The following QRICH2 variants were observed in gnomAD, a reference collection of about 807,000 sequenced individuals.
QRICH2 encodes glutamine-rich protein 2.
A neutral mutation model predicts 168.3 loss-of-function variants in QRICH2; 119 were observed. The ratio of observed to expected loss-of-function variants is 0.71; its 90% CI spans 0.61 to 0.82. The LOEUF is 0.82. Among genes scored for constraint, QRICH2 ranks in the 40% least tolerant of loss-of-function variants. The pLI is 0.00. For missense variants in QRICH2, 2,241 were observed against 2,491.6 expected, an observed-to-expected ratio of 0.90 and a Z score of 2.14; for synonymous variants, 894 against 951.2, an observed-to-expected ratio of 0.94 and a Z score of 1.11.
chr17:76,275,756 G>C, intron 18 of QRICH2, 63 bp downstream of exon 18: 1 of 1,574,510 alleles, frequency 6.4e-7, no homozygotes, highest in East Asian at 2.2e-5. Context: ...ACATGAGCAG[G>C]AAAGGGGGCC....
chr17:76,280,281 C>T lies in QRICH2; in HGVS notation c.4626+6G>A. ...GATGGAGAGCCCCGCCATGCCCCTG[C>T]CTCACCTTGTTGTCCATCTCTGTGA... On this transcript the variant is annotated splice_donor_region_variant and intron_variant, in intron 11 of 18. Coordinates refer to ENST00000680821, the MANE Select transcript of QRICH2 (RefSeq NM_001388453.1). The surrounding 1 kb of genome is among the most constrained non-coding windows in gnomAD (Gnocchi z 7.4). 3 of 1,613,876 alleles carry T rather than the reference C, an allele frequency of 1.9e-6. No homozygotes were observed. Among genetic ancestry groups the T allele is most frequent in the Non-Finnish European group, 2.5e-6 (3 of 1,179,886 alleles).
In QRICH2 at chr17:76,293,460, G is replaced by A; in HGVS notation, c.1267C>T (p.Pro423Ser). The change falls in exon 4 of 19, where the codon CCA (proline) becomes TCA (serine). Residue 423 changes from proline (P) to serine (S), a missense_variant. Physicochemically the swap from Pro to Ser is moderately conservative, Grantham distance 74. Around this residue, in one of 3 missense-constraint regions of QRICH2, gnomAD observed 2,047 missense variants for 2,303.8 expected, o/e 0.89. Transcript: ENST00000680821. ...TCCCGATCATCCATTTCAGGTGGTG[G>A]CACACCAAGCTGACCCATGCTGAGG... ...VPLSMGQLGV[P>S]PPEMDDRELI... is the part of the protein sequence containing the mutation. The A allele has an allele frequency of 1.2e-6, 2 of 1,614,186 alleles. No homozygotes were observed. The highest frequency in any genetic ancestry group is 1.7e-6 in the Non-Finnish European group (2 of 1,180,032).
In QRICH2 at chr17:76,295,073, C is replaced by CAAATAAAT. The variant is rs201787948; in HGVS notation, c.706-1060_706-1053dup. 6.7e-3 allele frequency among the ~76,000 whole-genome samples: 962 copies of CAAATAAAT among 143,294 alleles called. 14 individuals are homozygous for CAAATAAAT. Among genetic ancestry groups the CAAATAAAT allele is most frequent in the African/African-American group, 0.023 (914 of 39,032 alleles). The allele number at this position is 143,294 out of a possible 152,430, so 94.0% of individuals were successfully genotyped here. On this transcript the variant is annotated intron_variant, in intron 3 of 18. Coordinates refer to ENST00000680821, the MANE Select transcript of QRICH2 (RefSeq NM_001388453.1). ...GATGAAACCCCGTCTCTACTAAAAACAAATAAATAAATAAATAAATAAATA... is the reference window on the plus strand; with the variant it reads ...GATGAAACCCCGTCTCTACTAAAAACAAATAAATAAATAAATAAATAAATAAATAAATA...
chr17:76,279,292 G>A, intron 13 of QRICH2, 71 bp downstream of exon 13: 1 of 1,409,428 alleles, frequency 7.1e-7, no homozygotes, highest in Non-Finnish European at 9.9e-7. Flanking sequence ...GAGAGGACAG[G>A]TGGACACAGG....
chr17:76,303,310 G>T (rs1020857433), intron 3 of QRICH2, among the ~76,000 whole-genome samples: 1 of 152,096 alleles, frequency 6.6e-6, no homozygotes, highest in Non-Finnish European at 1.5e-5. Flanking sequence ...TGGCCACTTG[G>T]TGGCGCCAAA....
At chr17:76,286,637 T>TA (rs1259647685) in intron 7 of QRICH2, among the ~76,000 whole-genome samples, 6 of 152,136 alleles carry the variant, frequency 3.9e-5, no homozygotes, top group African/African-American at 1.4e-4. Flanking sequence ...AATTCATTGA[T>TA]ATATGATTAT....
Position 76,293,117 on chromosome 17 carries a change from G to A in QRICH2, c.1610C>T (p.Ser537Leu). The change falls in exon 4 of 19, where the codon TCA becomes TTA. Residue 537 changes from serine (S) to leucine (L), a missense_variant. Physicochemically the swap from Ser to Leu is moderately radical, Grantham distance 145. This residue lies in a region of QRICH2 where 2,047 missense variants were observed against 2,303.8 expected (regional missense o/e 0.89). Transcript: ENST00000680821. ...TGCACTAATTGGCATCAAACCAGGT[G>A]ATACCAAACCATGCTGGTCTGTAAA... ...LPFTDQHGLV[S>L]PGLMPISADQ... 1.2e-6 allele frequency: 2 copies of A among 1,614,206 alleles called. No homozygotes were observed. The highest frequency in any genetic ancestry group is 8.5e-7 in the Non-Finnish European group (1 of 1,180,042).
Position 76,307,951 on chromosome 17 carries a change from G to GGA in QRICH2, c.46_47dup (p.Ile17ProfsTer88). 8.1e-7 allele frequency: 1 copy of GGA among 1,234,940 alleles called. No individual in the cohort carries two copies. Among genetic ancestry groups the GGA allele is most frequent in the Non-Finnish European group, 1.0e-6 (1 of 989,430 alleles). The allele number at this position is 1,234,940 out of a possible 1,614,324, so 76.5% of individuals were successfully genotyped here. On this transcript the variant is annotated frameshift_variant, in exon 1 of 19. Transcript: ENST00000680821. LOFTEE classifies it high-confidence loss of function. The surrounding 1 kb of genome is among the most constrained non-coding windows in gnomAD (Gnocchi z 5.3). ...CGGCGCCCACCTCTGGCGTGCCGAT[G>GGA]GAGAGGTCCGCCAGCTCCCGGAGGG...
At position 76,276,773 on chromosome 17, in the gene QRICH2, G is replaced by A. The variant is rs777644622; in HGVS notation, c.5266-6C>T. On this transcript the variant is annotated splice_region_variant and splice_polypyrimidine_tract_variant and intron_variant, in intron 16 of 18. Coordinates refer to ENST00000680821, the MANE Select transcript of QRICH2 (RefSeq NM_001388453.1). ...AAGATGTCCACCTCATCATGCTGTA[G>A]AAGTGAACAGATACCGTCGCCACTG... is the stretch of plus-strand genomic sequence containing the variant. 1 of 1,607,206 alleles carries A rather than the reference G, an allele frequency of 6.2e-7. No homozygotes were observed. The highest frequency in any genetic ancestry group is 1.1e-5 in the South Asian group (1 of 90,972).
intron 3 of QRICH2, among the ~76,000 whole-genome samples, chr17:76,303,872 CA>C (rs67296304): frequency 1.0e-3 from 74 of 71,674 alleles, no homozygotes; most frequent in Middle Eastern, 9.3e-3. Flanking sequence ...AACTCTGTCT[CA>C]AAAAAAAAAA....
intron 2 of QRICH2, among the ~76,000 whole-genome samples, 172 bp downstream of exon 2, chr17:76,304,710 G>A (rs569399638): frequency 3.3e-5 from 5 of 152,166 alleles, no homozygotes; most frequent in Non-Finnish European, 5.9e-5. Flanking sequence ...TGAGCACCCA[G>A]CAGAGCGCTG....
upstream of QRICH2, chr17:76,308,566 C>T: frequency 1.2e-6 from 1 of 832,560 alleles, no homozygotes; most frequent in Non-Finnish European, 1.4e-6. Flanking sequence ...GGCCCCATGT[C>T]TATGGCCCCA....
At position 76,293,956 on chromosome 17, in the gene QRICH2, C is replaced by T; in HGVS notation, c.771G>A (p.Gly257=). The change falls in exon 4 of 19, where the codon GGG becomes GGA. Residue 257 remains glycine (G), a synonymous_variant. Transcript: ENST00000680821. ...GGFTSLTSPE[G]TLSGDSTKQP... ...GCTTGGTAGAGTCTCCGCTTAGAGT[C>T]CCTTCAGGTGATGTTAAGGAAGTGA... 6.2e-7 allele frequency: 1 copy of T among 1,614,100 alleles called. No individual in the cohort carries two copies. The highest frequency in any genetic ancestry group is 8.5e-7 in the Non-Finnish European group (1 of 1,180,010).
rs770399177 is a variant in QRICH2, at chr17:76,291,107, T to A, written c.3620A>T (p.Tyr1207Phe). The A allele has an allele frequency of 3.7e-6, 6 of 1,614,166 alleles. No individual in the cohort carries two copies. Among genetic ancestry groups the A allele is most frequent in the Middle Eastern group, 1.6e-4 (1 of 6,062 alleles). Residue 1207 changes from tyrosine to phenylalanine, a missense_variant, in exon 4 of 19, where the codon TAT becomes TTT. Tyr to Phe is a conservative substitution (Grantham distance 22). Transcript: ENST00000680821. ...FHLMGELSSL[Y>F]VGLKESMKDL... Reference sequence around the variant, plus strand: ...CTTCATACTCTCCTTTAGCCCCACATAGAGGCTACTGAGCTCTCCCATCAG... The same window carrying A: ...CTTCATACTCTCCTTTAGCCCCACAAAGAGGCTACTGAGCTCTCCCATCAG...
chr17:76,280,009 C>T lies in QRICH2; in HGVS notation c.4748+24G>A, dbSNP rs761047428. The T allele has an allele frequency of 3.1e-6, 5 of 1,588,020 alleles. No homozygotes were observed. The highest frequency in any genetic ancestry group is 2.2e-5 in the East Asian group (1 of 44,654). ...CACCCCCTGAAGAGCGTGCCAGCCTCCTCCCCTGCCTCCCAGGCCTCACCT... is the reference window on the plus strand; with the variant it reads ...CACCCCCTGAAGAGCGTGCCAGCCTTCTCCCCTGCCTCCCAGGCCTCACCT... On this transcript the variant is annotated intron_variant, in intron 12 of 18. Transcript: ENST00000680821. This position sits in a 1 kb window ranked among gnomAD's most constrained non-coding sequence, Gnocchi z 7.4.
At chr17:76,308,440 C>T, upstream of QRICH2, 1 of 985,398 alleles carries the variant, frequency 1.0e-6, no homozygotes, top group Non-Finnish European at 1.2e-6. Context: ...CCATCCATCC[C>T]CTTAACCTAG....
chr17:76,304,360 G>A (rs184526408), intron 3 of QRICH2, 55 bp downstream of exon 3: 15 of 1,129,132 alleles, frequency 1.3e-5, no homozygotes, highest in Non-Finnish European at 1.6e-5. Flanking sequence ...TGTACAAAGC[G>A]AGAAGTTCTG....
At chr17:76,283,474 T>C (rs997774478) in intron 7 of QRICH2, among the ~76,000 whole-genome samples, 7 of 152,164 alleles carry the variant, frequency 4.6e-5, no homozygotes, top group African/African-American at 1.7e-4. Flanking sequence ...GACTGACAGG[T>C]GACTCTTAAA....
intron 5 of QRICH2, among the ~76,000 whole-genome samples, chr17:76,289,103 CAAAA>C (rs541768411): frequency 2.5e-5 from 2 of 81,534 alleles, no homozygotes. Flanking sequence ...GACTGTGTCT[CAAAA>C]AAAAAAAAAA....
Sources: allele counts gnomAD v4.1 joint callset (sites outside exome capture counted in the v4.1 genomes callset), GRCh38; gene constraint gnomAD v4.1.1; regional missense constraint gnomAD v4.1.1; non-coding constraint Gnocchi (gnomAD v3.1); transcripts MANE v1.5; gene names NCBI Gene and HGNC (gene_info 2026-07-23, HGNC 2026-07-21).